Variants in ZBTB45 observed in about 807,000 individuals in gnomAD.
ZBTB45 encodes the protein zinc finger and BTB domain containing 45.
A neutral mutation model predicts 28.4 loss-of-function variants in ZBTB45; 22 were observed. That is an observed-to-expected ratio of 0.77 (90% CI 0.55 to 1.10). The LOEUF is 1.10. ZBTB45 is among the 50% of genes least tolerant of loss of function. The pLI, the probability that ZBTB45 is intolerant of heterozygous loss-of-function variation, is 0.00. For missense variants in ZBTB45, 656 were observed against 750.2 expected (o/e 0.87, Z 1.47); for synonymous variants, 361 against 332.3 (o/e 1.09, Z -0.94).
intron 1 of ZBTB45, among the ~76,000 whole-genome samples, chr19:58,529,208 G>C (rs1290133686): frequency 1.3e-5 from 2 of 152,202 alleles, no homozygotes; most frequent in Non-Finnish European, 2.9e-5. Context: ...GGGAGGCCAA[G>C]GCAGGGGGAT....
upstream of ZBTB45, among the ~76,000 whole-genome samples, chr19:58,522,080 T>C (rs57438724): frequency 6.6e-6 from 1 of 151,628 alleles, no homozygotes; most frequent in East Asian, 2.0e-4. Context: ...CCCAGCACTT[T>C]GGGAGGCCGA....
chr19:58,516,278 C>A lies in ZBTB45; in HGVS notation c.1279+117G>T. On this transcript the variant is annotated intron_variant, in intron 2 of 2. Coordinates refer to ENST00000594051, the MANE Select transcript of ZBTB45 (RefSeq NM_001316979.2). This position sits in a 1 kb window ranked among gnomAD's most constrained non-coding sequence, Gnocchi z 6.2. Reference sequence around the variant, plus strand: ...TGGGGGAAGGCTCAATTTCTAGGCCCCCTGCTAACCAAAAGTAACAGAACA... The same window carrying A: ...TGGGGGAAGGCTCAATTTCTAGGCCACCTGCTAACCAAAAGTAACAGAACA... 7.5e-7 allele frequency: 1 copy of A among 1,325,402 alleles called. No individual in the cohort carries two copies. The highest frequency in any genetic ancestry group is 1.0e-6 in the Non-Finnish European group (1 of 967,534). The allele number at this position is 1,325,402 out of a possible 1,614,324, so 82.1% of individuals were successfully genotyped here.
Position 58,513,789 on chromosome 19 carries a change from G to A in ZBTB45, c.*265C>T, listed in dbSNP as rs1051365384. 1.5e-5 allele frequency: 6 copies of A among 394,784 alleles called. No homozygotes were observed. Among genetic ancestry groups the A allele is most frequent in the African/African-American group, 8.3e-5 (4 of 48,120 alleles). 24.5% of individuals were successfully genotyped at this position (394,784 alleles called of 1,614,324 possible). A position where few individuals can be genotyped will look rare whatever the true frequency, so the allele number is the denominator to read the frequency against. On this transcript the variant is annotated 3_prime_UTR_variant, in exon 3 of 3. Transcript: ENST00000594051. ...CCGGGTCCAAGCGCCTGAGCGCCCGGTTTACGCAGGAAATAGTCCAGTTCT... is the reference window on the plus strand; with the variant it reads ...CCGGGTCCAAGCGCCTGAGCGCCCGATTTACGCAGGAAATAGTCCAGTTCT...
At chr19:58,522,981 A>G (rs1053419213), upstream of ZBTB45, among the ~76,000 whole-genome samples, 2 of 152,156 alleles carry the variant, frequency 1.3e-5, no homozygotes, top group African/African-American at 2.4e-5. Flanking sequence ...GCAGGAAACA[A>G]TAGCTGCCCT....
rs2122546318 is a variant in ZBTB45, at chr19:58,514,323, G to C, written c.1280-13C>G. On this transcript the variant is annotated splice_polypyrimidine_tract_variant and intron_variant, in intron 2 of 2. Coordinates refer to ENST00000594051, the MANE Select transcript of ZBTB45 (RefSeq NM_001316979.2). ...TGCGGCTTCTCCCCTGCGGAAGACA[G>C]GGCGGGCCGCGAACGCAAGTCAGAC... is the stretch of plus-strand genomic sequence containing the variant. 6.3e-7 allele frequency: 1 copy of C among 1,586,620 alleles called. No homozygotes were observed. The highest frequency in any genetic ancestry group is 2.3e-5 in the East Asian group (1 of 43,856).
chr19:58,517,621 G>C lies in ZBTB45; in HGVS notation c.53C>G (p.Ser18Cys). The change falls in exon 2 of 3, where the codon TCT (serine) becomes TGT (cysteine). Residue 18 changes from serine to cysteine, a missense_variant. By Grantham distance (112) the Ser-to-Cys change is moderately radical (BLOSUM62 -1). Around this residue, in one of 3 missense-constraint regions of ZBTB45, gnomAD observed 105 missense variants for 152.4 expected, o/e 0.69. Coordinates refer to ENST00000594051, the MANE Select transcript of ZBTB45 (RefSeq NM_001316979.2). Reference sequence around the variant, plus strand: ...CTGCCCATTGAGGGTCTCAAGCAGAGAGCGTGAGAAGTTCTGCAGGTGTAT... The same window carrying C: ...CTGCCCATTGAGGGTCTCAAGCAGACAGCGTGAGAAGTTCTGCAGGTGTAT... ...HHIHLQNFSR[S>C]LLETLNGQRL... The C allele has an allele frequency of 4.3e-6, 7 of 1,613,944 alleles. No homozygotes were observed. Among genetic ancestry groups the C allele is most frequent in the Non-Finnish European group, 5.9e-6 (7 of 1,179,980 alleles).
At chr19:58,524,435 ATGTGTGTGTGTGTG>A (rs56704623), upstream of ZBTB45, among the ~76,000 whole-genome samples, 20 of 138,350 alleles carry the variant, frequency 1.4e-4, no homozygotes, top group Admixed American at 9.7e-4. Flanking sequence ...GTGTTCATAT[ATGTGTGTGTGTGTG>A]TGTGTGTGTG....
rs1231496438 is a variant in ZBTB45, at chr19:58,529,084, C to CAAAAAAAAAAAAAAA, written c.-1+9602_-1+9616dup. 2.7e-3 allele frequency among the ~76,000 whole-genome samples: 167 copies of CAAAAAAAAAAAAAAA among 61,158 alleles called. 6 individuals are homozygous for CAAAAAAAAAAAAAAA. The highest frequency in any genetic ancestry group is 6.7e-3 in the African/African-American group (108 of 16,092). 40.1% of individuals were successfully genotyped at this position (61,158 alleles called of 152,430 possible). A position where few individuals can be genotyped will look rare whatever the true frequency, so the allele number is the denominator to read the frequency against. On this transcript the variant is annotated intron_variant, in intron 1 of 1. Coordinates refer to the ZBTB45 transcript ENST00000600130. ...GGGCAATGAGAGCAAAACTCCATCT[C>CAAAAAAAAAAAAAAA]AAAAAAAAAAAAAAAAAGACATTGA...
chr19:58,514,303 C>A lies in ZBTB45; in HGVS notation c.1287G>T (p.Lys429Asn). ...TKHMFIHSGE[K>N]PHQCAVCWRS... ...GCCAGCACACGGCGCACTGGTGCGG[C>A]TTCTCCCCTGCGGAAGACAGGGCGG... Residue 429 changes from lysine (K) to asparagine (N), a missense_variant, in exon 3 of 3, where the codon AAG becomes AAT. Coordinates refer to ENST00000594051, the MANE Select transcript of ZBTB45 (RefSeq NM_001316979.2). 6.2e-7 allele frequency: 1 copy of A among 1,601,738 alleles called. No individual in the cohort carries two copies.
intron 1 of ZBTB45, among the ~76,000 whole-genome samples, chr19:58,534,846 G>A (rs1346315908): frequency 2.0e-5 from 3 of 149,140 alleles, no homozygotes; most frequent in East Asian, 4.0e-4. Flanking sequence ...GTGAGCCACC[G>A]TGCCCGACCT....
rs1469098942 is a variant in ZBTB45, at chr19:58,516,723, G to A, written c.951C>T (p.Ser317=). Residue 317 remains serine (S), a synonymous_variant, in exon 2 of 3, where the codon TCC becomes TCT. Transcript: ENST00000594051. This position sits in a 1 kb window ranked among gnomAD's most constrained non-coding sequence, Gnocchi z 6.2. ...CTGGGGTCTTCACACCAGGCGGGCG[G>A]GATCCAGACAGTATGCAGTCGGGCT... The part of the protein sequence containing the change: ...PVQPDCILSG[S]RPPGVKTPGP... The A allele has an allele frequency of 6.2e-7, 1 of 1,604,414 alleles. No individual in the cohort carries two copies. Among genetic ancestry groups the A allele is most frequent in the Admixed American group, 1.7e-5 (1 of 59,570 alleles).
At chr19:58,525,941 C>T (rs758997559) in intron 1 of ZBTB45, among the ~76,000 whole-genome samples, 2 of 152,124 alleles carry the variant, frequency 1.3e-5, no homozygotes, top group Non-Finnish European at 2.9e-5. Context: ...TTTAAAAAAC[C>T]CAAAGGCTGG....
At chr19:58,524,649 C>A (rs1396260136), upstream of ZBTB45, among the ~76,000 whole-genome samples, 1 of 151,768 alleles carries the variant, frequency 6.6e-6, no homozygotes. Flanking sequence ...TTTGGGAGGC[C>A]GAGGCGGGCG....
chr19:58,526,896 C>T (rs1008331504), intron 1 of ZBTB45, among the ~76,000 whole-genome samples: 2 of 152,070 alleles, frequency 1.3e-5, no homozygotes, highest in African/African-American at 2.4e-5. Context: ...AGCATGATCA[C>T]GGCTCACTGC....
At chr19:58,538,235 G>A (rs1401678162) in intron 1 of ZBTB45, among the ~76,000 whole-genome samples, 1 of 149,888 alleles carries the variant, frequency 6.7e-6, no homozygotes, top group African/African-American at 2.5e-5. Flanking sequence ...TTTTTTTAAA[G>A]ACAGGGCCTC....
upstream of ZBTB45, among the ~76,000 whole-genome samples, chr19:58,521,223 C>T (rs534084949): frequency 7.3e-6 from 1 of 137,796 alleles, no homozygotes; most frequent in African/African-American, 2.7e-5. Context: ...AAAAATTAGC[C>T]GAGCGCGGTG....
intron 1 of ZBTB45, among the ~76,000 whole-genome samples, chr19:58,528,426 G>A (rs1163525543): frequency 6.6e-6 from 1 of 151,048 alleles, no homozygotes; most frequent in African/African-American, 2.4e-5. Context: ...TCGCGCCACT[G>A]CACTCCAGCC....
intron 1 of ZBTB45, among the ~76,000 whole-genome samples, chr19:58,527,487 G>A (rs2122588113): frequency 6.6e-6 from 1 of 152,238 alleles, no homozygotes; most frequent in African/African-American, 2.4e-5. Context: ...TCCTATCAGT[G>A]GAATCACACA....
In ZBTB45 at chr19:58,514,044, C is replaced by G. The variant is rs2053452248; in HGVS notation, c.*10G>C. 2 of 1,436,250 alleles carry G rather than the reference C, an allele frequency of 1.4e-6. No homozygotes were observed. The highest frequency in any genetic ancestry group is 3.0e-5 in the African/African-American group (2 of 67,658). The allele number at this position is 1,436,250 out of a possible 1,614,324, so 89.0% of individuals were successfully genotyped here. A position where few individuals can be genotyped will look rare whatever the true frequency, so the allele number is the denominator to read the frequency against. On this transcript the variant is annotated 3_prime_UTR_variant, in exon 3 of 3. Coordinates refer to ENST00000594051, the MANE Select transcript of ZBTB45 (RefSeq NM_001316979.2). ...GGATCCACCGTGGGCGAGGCCAGGC[C>G]CCAGCGCCATCAGGGCGCAGGGTGC...
Sources: allele counts gnomAD v4.1 joint callset (sites outside exome capture counted in the v4.1 genomes callset), GRCh38; gene constraint gnomAD v4.1.1; regional missense constraint gnomAD v4.1.1; non-coding constraint Gnocchi (gnomAD v3.1); transcripts MANE v1.5; gene names NCBI Gene and HGNC (gene_info 2026-07-23, HGNC 2026-07-21).